SERBP1: variants seen among roughly 807,000 people sequenced by gnomAD.
SERBP1 encodes the protein SERPINE1 mRNA-binding protein 1.
In SERBP1, 6 loss-of-function variants were observed where a neutral mutation model predicts 50.2. That is an observed-to-expected ratio of 0.12 (90% CI 0.07 to 0.24). The LOEUF (loss-of-function observed/expected upper bound fraction) is 0.24, where lower values mean the gene tolerates loss of function less well. Among genes scored for constraint, SERBP1 ranks in the 10% least tolerant of loss-of-function variants. The pLI is 1.00. For synonymous variants in SERBP1, 168 were observed against 182.8 expected, an observed-to-expected ratio of 0.92 and a Z score of 0.65; for missense variants, 346 against 524.9, an observed-to-expected ratio of 0.66 and a Z score of 3.33.
At position 67,420,154 on chromosome 1, in the gene SERBP1, C is replaced by T; in HGVS notation, c.806G>A (p.Gly269Asp). The T allele has an allele frequency of 6.2e-7, 1 of 1,613,444 alleles. No individual in the cohort carries two copies. Among genetic ancestry groups the T allele is most frequent in the Non-Finnish European group, 8.5e-7 (1 of 1,179,758 alleles). The change falls in exon 6 of 8, where the codon GGT becomes GAT. Residue 269 changes from glycine (G) to aspartate (D), a missense_variant. Around this residue, in one of 5 missense-constraint regions of SERBP1, gnomAD observed 257 missense variants for 331.2 expected, o/e 0.78. Transcript: ENST00000361219. ...ENEVEEVKEE[G>D]PKEMTLDEWK... is the part of the protein sequence containing the mutation. ...CTCATCCAAAGTCATCTCTTTTGGACCCTCCTCTTTTACCTCTTCAACTTC... is the reference window on the plus strand; with the variant it reads ...CTCATCCAAAGTCATCTCTTTTGGATCCTCCTCTTTTACCTCTTCAACTTC...
At chr1:67,417,971 GTT>G (rs397861816) in intron 6 of SERBP1, among the ~76,000 whole-genome samples, 691 of 76,804 alleles carry the variant, frequency 9.0e-3, no homozygotes, top group East Asian at 0.04. Flanking sequence ...TTAAAGTGTT[GTT>G]TTTTTTTTTT....
chr1:67,428,873 A>C (rs74080217), intron 1 of SERBP1, among the ~76,000 whole-genome samples: 1 of 152,228 alleles, frequency 6.6e-6, no homozygotes, highest in Non-Finnish European at 1.5e-5. Flanking sequence ...CGTGGCAGGA[A>C]GGGGTAATTT....
At chr1:67,414,548 A>C (rs1666944710) in intron 7 of SERBP1, among the ~76,000 whole-genome samples, 1 of 152,196 alleles carries the variant, frequency 6.6e-6, no homozygotes, top group African/African-American at 2.4e-5. Context: ...CTGAGTTCAA[A>C]TCTATCAATT....
chr1:67,417,501 T>A (rs1667052856), intron 6 of SERBP1, among the ~76,000 whole-genome samples: 1 of 151,240 alleles, frequency 6.6e-6, no homozygotes, highest in East Asian at 1.9e-4. Context: ...GGCAGGGGGA[T>A]CCTTTTTTTT....
At chr1:67,413,914 C>T (rs1231266978) in intron 7 of SERBP1, among the ~76,000 whole-genome samples, 1 of 152,076 alleles carries the variant, frequency 6.6e-6, no homozygotes, top group East Asian at 1.9e-4. Context: ...TCAGGTGATT[C>T]TTGTGCCTCA....
chr1:67,420,670 TC>T (rs2100426576), intron 5 of SERBP1: 1 of 152,696 alleles, frequency 6.5e-6, no homozygotes, highest in African/African-American at 2.4e-5. Flanking sequence ...AAAGAACTGT[TC>T]CTCTATGCTT....
intron 5 of SERBP1, chr1:67,420,692 A>C (rs185910143): frequency 6.6e-6 from 1 of 152,464 alleles, no homozygotes; most frequent in Admixed American, 6.5e-5. Context: ...TGTTTCAGCA[A>C]CTAGCACTTA....
intron 1 of SERBP1, chr1:67,429,668 G>C (rs1667504413): frequency 3.8e-6 from 1 of 259,772 alleles, no homozygotes; most frequent in Admixed American, 5.5e-5. Flanking sequence ...CACCCGCCAA[G>C]GAATCCGGCG....
chr1:67,427,233 C>T (rs1402587182), intron 1 of SERBP1, among the ~76,000 whole-genome samples: 1 of 152,176 alleles, frequency 6.6e-6, no homozygotes, highest in Non-Finnish European at 1.5e-5. Context: ...ATAGCTGAAG[C>T]ATTTACTAAT....
In SERBP1 at chr1:67,424,208, A is replaced by C; in HGVS notation, c.765T>G (p.Thr255=). 6.2e-7 allele frequency: 1 copy of C among 1,609,778 alleles called. No individual in the cohort carries two copies. The highest frequency in any genetic ancestry group is 1.1e-5 in the South Asian group (1 of 90,084). Residue 255 remains threonine (T), a synonymous_variant, in exon 5 of 8, where the codon ACT becomes ACG. Coordinates refer to ENST00000361219, the MANE Select transcript of SERBP1 (RefSeq NM_001018069.2). ...CACGCAATACCACTTACTTATTTTC[A>C]GTGTCTGCCACTGGATGATGTTCTT... ...EGEEHHPVAD[T]ENKENEVEEV...
chr1:67,419,500 T>G (rs1052143042), intron 6 of SERBP1, among the ~76,000 whole-genome samples: 1 of 152,220 alleles, frequency 6.6e-6, no homozygotes, highest in African/African-American at 2.4e-5. Context: ...AAAGTCGTCA[T>G]TCCTTAGACA....
Position 67,430,034 on chromosome 1 carries a change from A to C in SERBP1, c.267T>G (p.Val89=). The change falls in exon 1 of 8, where the codon GTT becomes GTG. Residue 89 remains valine (V), a synonymous_variant. Coordinates refer to ENST00000361219, the MANE Select transcript of SERBP1 (RefSeq NM_001018069.2). ...KNPLPPSVGV[V]DKKEETQPPV... Reference sequence around the variant, plus strand: ...GCGGCTGCGTCTCCTCTTTCTTGTCAACCACGCCAACGCTGGGGGGCAGCG... The same window carrying C: ...GCGGCTGCGTCTCCTCTTTCTTGTCCACCACGCCAACGCTGGGGGGCAGCG... 6.2e-7 allele frequency: 1 copy of C among 1,612,654 alleles called. No homozygotes were observed. The highest frequency in any genetic ancestry group is 1.3e-5 in the African/African-American group (1 of 74,880).
At chr1:67,417,939 C>G (rs922884575) in intron 6 of SERBP1, among the ~76,000 whole-genome samples, 1 of 147,842 alleles carries the variant, frequency 6.8e-6, no homozygotes, top group African/African-American at 2.5e-5. Context: ...ACATTTGTCA[C>G]GAGAATGAAG....
rs745681742 is a variant in SERBP1, at chr1:67,415,348, A to G, written c.952-9T>C. The stretch of plus-strand genomic sequence containing the variant: ...GAATCTTCAGCATGAGCCTAAAAAT[A>G]TAAGTGAAGATGATTGTGTTATTAG... On this transcript the variant is annotated splice_polypyrimidine_tract_variant and intron_variant, in intron 6 of 7. Coordinates refer to ENST00000361219, the MANE Select transcript of SERBP1 (RefSeq NM_001018069.2). 30 of 1,559,138 alleles carry G rather than the reference A, an allele frequency of 1.9e-5. No individual in the cohort carries two copies. The highest frequency in any genetic ancestry group is 1.2e-4 in the Admixed American group (6 of 50,090).
chr1:67,419,300 C>T (rs1032594419), intron 6 of SERBP1, among the ~76,000 whole-genome samples: 1 of 152,162 alleles, frequency 6.6e-6, no homozygotes, highest in Non-Finnish European at 1.5e-5. Flanking sequence ...AATGTGTTAA[C>T]TGGTTATGTT....
At position 67,424,915 on chromosome 1, in the gene SERBP1, T is replaced by C; in HGVS notation, c.668A>G (p.Asn223Ser). 1.2e-6 allele frequency: 2 copies of C among 1,612,446 alleles called. No individual in the cohort carries two copies. The highest frequency in any genetic ancestry group is 1.7e-6 in the Non-Finnish European group (2 of 1,179,840). ...EDKRGGSGSH[N>S]WGTVKDELTD... ...TAATTCGTCTTTGACAGTTCCCCAG[T>C]TGTGAGATCCGCTACCTCCACGTTT... Residue 223 changes from asparagine (N) to serine (S), a missense_variant, in exon 4 of 8, where the codon AAC (asparagine) becomes AGC (serine). Asn to Ser is a conservative substitution (Grantham distance 46). This residue lies in a region of SERBP1 where 257 missense variants were observed against 331.2 expected (regional missense o/e 0.78). Transcript: ENST00000361219.
At chr1:67,423,336 G>A (rs901715506) in intron 5 of SERBP1, among the ~76,000 whole-genome samples, 3 of 151,812 alleles carry the variant, frequency 2.0e-5, no homozygotes, top group Non-Finnish European at 4.4e-5. Flanking sequence ...GCTGGGCAAG[G>A]TGGCTCACGC....
At chr1:67,429,794 C>G (rs962976373) in intron 1 of SERBP1, 194 bp downstream of exon 1, 3 of 585,856 alleles carry the variant, frequency 5.1e-6, no homozygotes, top group East Asian at 6.4e-5. Context: ...ACCTCGCCGG[C>G]GGTGGCTTGA....
intron 5 of SERBP1, among the ~76,000 whole-genome samples, chr1:67,420,991 T>C (rs1667180822): frequency 6.6e-6 from 1 of 152,228 alleles, no homozygotes; most frequent in African/African-American, 2.4e-5. Flanking sequence ...AAACAAGTCA[T>C]TTGCTATTTG....
Sources: gnomAD v4.1 joint callset for allele counts (sites outside exome capture counted in the v4.1 genomes callset) on GRCh38, gnomAD v4.1.1 for gene constraint, gnomAD v4.1.1 regional missense constraint, MANE v1.5 for transcripts, NCBI Gene and HGNC (gene_info 2026-07-23, HGNC 2026-07-21) for gene names.